Variants in FBXL17 observed in about 807,000 individuals in gnomAD.
The protein encoded by FBXL17 is F-box/LRR-repeat protein 17.
A neutral mutation model predicts 66.2 loss-of-function variants in FBXL17; 22 were observed. The observed-to-expected ratio is 0.33, with a 90% CI of 0.24 to 0.47. FBXL17 has a LOEUF of 0.47. Ranked by LOEUF, FBXL17 falls within the 20% of genes least tolerant of loss-of-function variation. The pLI is 1.00. For missense variants in FBXL17, 878 were observed against 948.2 expected (o/e 0.93, Z 0.97); for synonymous variants, 474 against 400.5 (o/e 1.18, Z -2.19).
intron 5 of FBXL17, among the ~76,000 whole-genome samples, chr5:108,218,866 A>T (rs1474275218): frequency 6.6e-6 from 1 of 152,184 alleles, no homozygotes; most frequent in East Asian, 1.9e-4. Context: ...ACTTTCTTCC[A>T]TTCCATAGGT....
intron 7 of FBXL17, among the ~76,000 whole-genome samples, chr5:107,980,665 T>TATATATATGTGTATATATA (rs1363335386): frequency 1.3e-5 from 1 of 79,154 alleles, no homozygotes; most frequent in African/African-American, 9.0e-5. Flanking sequence ...TATATATATA[T>TATATATATGTGTATATATA]TTTTTTTTTG....
intron 4 of FBXL17, among the ~76,000 whole-genome samples, chr5:108,343,370 G>A (rs906222334): frequency 2.0e-5 from 3 of 152,102 alleles, no homozygotes; most frequent in African/African-American, 7.2e-5. Context: ...CACTGAAGGC[G>A]AGTATATACT....
chr5:107,934,608 G>A (rs888494777), intron 7 of FBXL17, among the ~76,000 whole-genome samples: 6 of 151,320 alleles, frequency 4.0e-5, no homozygotes, highest in Admixed American at 1.3e-4. Context: ...TTTTCTTCTC[G>A]TTCTCTCACT....
chr5:108,258,878 A>G (rs1419074933), intron 4 of FBXL17, among the ~76,000 whole-genome samples: 1 of 152,088 alleles, frequency 6.6e-6, no homozygotes, highest in African/African-American at 2.4e-5. Context: ...TCCAAATTAG[A>G]TCTGAGAAAC....
chr5:108,130,132 T>A (rs1287875387), intron 6 of FBXL17, among the ~76,000 whole-genome samples: 1 of 151,722 alleles, frequency 6.6e-6, no homozygotes, highest in Non-Finnish European at 1.5e-5. Context: ...ATGAACATAG[T>A]AAATATAATT....
At chr5:107,917,646 A>G (rs1385750193) in intron 7 of FBXL17, among the ~76,000 whole-genome samples, 15 of 152,226 alleles carry the variant, frequency 9.9e-5, no homozygotes. Context: ...TTGTATGAAG[A>G]AACTAGTGCC....
At chr5:108,057,466 G>C (rs987321069) in intron 6 of FBXL17, among the ~76,000 whole-genome samples, 2 of 152,030 alleles carry the variant, frequency 1.3e-5, no homozygotes, top group Non-Finnish European at 2.9e-5. Flanking sequence ...TCCCATTTAA[G>C]GGTCCCAAAG....
At chr5:108,282,667 A>G (rs1757746515) in intron 4 of FBXL17, among the ~76,000 whole-genome samples, 1 of 151,844 alleles carries the variant, frequency 6.6e-6, no homozygotes, top group Non-Finnish European at 1.5e-5. Flanking sequence ...TAGCTAGAGC[A>G]ATCTGGCAAA....
intron 7 of FBXL17, among the ~76,000 whole-genome samples, chr5:108,016,108 G>T (rs1044611541): frequency 8.5e-5 from 13 of 152,190 alleles, no homozygotes; most frequent in Non-Finnish European, 1.3e-4. Flanking sequence ...ACATATGGCA[G>T]CCCAACTAAA....
intron 1 of FBXL17, among the ~76,000 whole-genome samples, chr5:108,373,444 T>C (rs1749202610): frequency 6.8e-6 from 1 of 148,072 alleles, no homozygotes; most frequent in Non-Finnish European, 1.5e-5. Context: ...TATATGTATA[T>C]ATGAGAAGGG....
intron 4 of FBXL17, among the ~76,000 whole-genome samples, chr5:108,340,810 G>A (rs1420723143): frequency 1.3e-5 from 2 of 152,126 alleles, no homozygotes; most frequent in Non-Finnish European, 2.9e-5. Context: ...TTTATTGAAT[G>A]TCTATTATAT....
At chr5:108,274,869 T>G (rs1757422431) in intron 4 of FBXL17, among the ~76,000 whole-genome samples, 1 of 152,176 alleles carries the variant, frequency 6.6e-6, no homozygotes, top group Non-Finnish European at 1.5e-5. Flanking sequence ...ACTTTTACAT[T>G]TATTACAATA....
At position 108,380,926 on chromosome 5, in the gene FBXL17, G is replaced by C; in HGVS notation, c.766C>G (p.Gln256Glu). Residue 256 changes from glutamine (Q) to glutamate (E), a missense_variant, in exon 1 of 9, where the codon CAG becomes GAG. Coordinates refer to ENST00000542267, the MANE Select transcript of FBXL17 (RefSeq NM_001163315.3). ...GAAGAGGGCGGAGGGCAGAGCGGCT[G>C]CGGGGGCTGCTCCGGGGCCTGGCAG... The part of the protein sequence containing the change: ...GCCQAPEQPP[Q>E]PLCPPPSSPT... The C allele has an allele frequency of 1.6e-6, 2 of 1,222,386 alleles. No homozygotes were observed. The highest frequency in any genetic ancestry group is 2.0e-6 in the Non-Finnish European group (2 of 978,866). 75.7% of individuals were successfully genotyped at this position (1,222,386 alleles called of 1,614,324 possible). A position where few individuals can be genotyped will look rare whatever the true frequency, so the allele number is the denominator to read the frequency against.
chr5:107,882,636 G>A (rs1748831327), intron 7 of FBXL17, among the ~76,000 whole-genome samples: 1 of 152,132 alleles, frequency 6.6e-6, no homozygotes, highest in Admixed American at 6.5e-5. Context: ...TACTATTTTT[G>A]TATAGAAGGA....
chr5:108,046,693 G>A (rs527992306), intron 6 of FBXL17, among the ~76,000 whole-genome samples: 1 of 152,196 alleles, frequency 6.6e-6, no homozygotes, highest in East Asian at 1.9e-4. Context: ...GTTGAGTGAA[G>A]TATATAAACC....
At chr5:108,014,001 C>T (rs1159942783) in intron 7 of FBXL17, among the ~76,000 whole-genome samples, 1 of 152,200 alleles carries the variant, frequency 6.6e-6, no homozygotes, top group Non-Finnish European at 1.5e-5. Context: ...TGATATAATA[C>T]TGATAATCGT....
At chr5:108,283,607 T>A (rs541983387) in intron 4 of FBXL17, among the ~76,000 whole-genome samples, 1 of 151,874 alleles carries the variant, frequency 6.6e-6, no homozygotes, top group African/African-American at 2.4e-5. Flanking sequence ...AAAACTCTTC[T>A]GGACATTGAT....
At chr5:108,126,254 T>C (rs934853988) in intron 6 of FBXL17, among the ~76,000 whole-genome samples, 4 of 152,118 alleles carry the variant, frequency 2.6e-5, no homozygotes, top group Admixed American at 2.6e-4. Context: ...GGCTAGAACC[T>C]GGCATATGAG....
chr5:107,994,539 T>C (rs1181148518), intron 7 of FBXL17, among the ~76,000 whole-genome samples: 1 of 151,954 alleles, frequency 6.6e-6, no homozygotes, highest in Non-Finnish European at 1.5e-5. Flanking sequence ...GCAATAAACA[T>C]ACTATCAAAC....
Sources: allele counts gnomAD v4.1 joint callset (sites outside exome capture counted in the v4.1 genomes callset), GRCh38; gene constraint gnomAD v4.1.1; transcripts MANE v1.5; gene names NCBI Gene and HGNC (gene_info 2026-07-23, HGNC 2026-07-21).